IRAG2: variants seen among roughly 807,000 people sequenced by gnomAD.
IRAG2 encodes lymphoid restricted membrane protein.
IRAG2 carries 45 observed loss-of-function variants against 69.9 expected under a neutral mutation model. The ratio of observed to expected loss-of-function variants is 0.64; its 90% CI spans 0.51 to 0.83. The LOEUF is 0.83. Ranked by LOEUF, IRAG2 falls within the 40% of genes least tolerant of loss-of-function variation. The pLI is 0.00. For missense variants in IRAG2, 520 were observed against 587.0 expected (o/e 0.89, Z 1.18); for synonymous variants, 193 against 202.4 (o/e 0.95, Z 0.40).
chr12:25,053,867 G>A (rs867822426), intron 1 of IRAG2, among the ~76,000 whole-genome samples: 1 of 151,624 alleles, frequency 6.6e-6, no homozygotes, highest in Non-Finnish European at 1.5e-5. Flanking sequence ...GTTTGTTTTG[G>A]ATTTATTGTA....
At chr12:25,017,248 C>T in exon 6 of IRAG2, 5 of 1,232,106 alleles carry the variant, frequency 4.1e-6, no homozygotes, top group Non-Finnish European at 5.1e-6. Flanking sequence ...AAACTAACAG[C>T]CAGTTATCAG....
At chr12:25,043,015 AAG>A (rs1944763121) in intron 16 of IRAG2, among the ~76,000 whole-genome samples, 1 of 151,250 alleles carries the variant, frequency 6.6e-6, no homozygotes, top group Non-Finnish European at 1.5e-5. Context: ...AAAAAAAAAA[AAG>A]AAGAGGAATG....
intron 14 of IRAG2, among the ~76,000 whole-genome samples, chr12:25,091,435 CTTT>C (rs1287767450): frequency 1.3e-5 from 2 of 152,138 alleles, no homozygotes; most frequent in African/African-American, 4.8e-5. Flanking sequence ...GGATTGCCTT[CTTT>C]TTAAGGCTCA....
intron 2 of IRAG2, chr12:25,006,117 T>C (rs994845131): frequency 1.3e-5 from 2 of 151,984 alleles, no homozygotes; most frequent in African/African-American, 4.8e-5. Context: ...CCAACAAATA[T>C]ATGAAAAAAT....
chr12:25,021,090 T>TA, intron 7 of IRAG2: 1 of 280,418 alleles, frequency 3.6e-6, no homozygotes, highest in Non-Finnish European at 6.2e-6. Context: ...TTCTTTCTTT[T>TA]CTTTTTTTTT....
intron 20 of IRAG2, among the ~76,000 whole-genome samples, chr12:25,104,997 G>C (rs1473784573): frequency 4.0e-5 from 6 of 151,404 alleles, no homozygotes; most frequent in Non-Finnish European, 8.8e-5. Flanking sequence ...GGGCAAGAAG[G>C]AGGGATATGC....
chr12:25,029,673 T>C (rs1040530371), intron 9 of IRAG2, among the ~76,000 whole-genome samples: 4 of 152,170 alleles, frequency 2.6e-5, no homozygotes, highest in African/African-American at 9.7e-5. Flanking sequence ...ATATGTTTTT[T>C]TTTTTTATTT....
intron 5 of IRAG2, among the ~76,000 whole-genome samples, chr12:25,015,962 G>A (rs1944524064): frequency 6.6e-6 from 1 of 152,190 alleles, no homozygotes; most frequent in Non-Finnish European, 1.5e-5. Flanking sequence ...TGGGGAGGCC[G>A]AGGCGGATGG....
intron 6 of IRAG2, among the ~76,000 whole-genome samples, chr12:25,074,065 T>C (rs780217069): frequency 1.3e-5 from 2 of 152,252 alleles, no homozygotes; most frequent in Non-Finnish European, 2.9e-5. Flanking sequence ...TTATTACTTA[T>C]TAGCTGTGTG....
chr12:25,103,865 C>A lies in IRAG2; in HGVS notation c.962C>A (p.Ala321Asp). 1 of 1,613,146 alleles carries A rather than the reference C, an allele frequency of 6.2e-7. No individual in the cohort carries two copies. The highest frequency in any genetic ancestry group is 8.5e-7 in the Non-Finnish European group (1 of 1,179,310). Residue 321 changes from alanine (A) to aspartate (D), a missense_variant, in exon 18 of 22, where the codon GCC becomes GAC. By Grantham distance (126) the Ala-to-Asp change is moderately radical. Coordinates refer to ENST00000556887, the MANE Select transcript of IRAG2 (RefSeq NM_001366544.2). ...KPSSLRRVTIASLPRNIGNAG... is the reference protein window; with the variant it reads ...KPSSLRRVTIDSLPRNIGNAG... Reference sequence around the variant, plus strand: ...TCTTCTCTACGAAGAGTGACTATTGCCTCTTTACCCAGAAATATTGGAAAT... The same window carrying A: ...TCTTCTCTACGAAGAGTGACTATTGACTCTTTACCCAGAAATATTGGAAAT...
Position 25,004,717 on chromosome 12 carries a change from C to T in IRAG2, c.376C>T (p.Gln126Ter). Reference sequence around the variant, plus strand: ...TGAAAACGTCTCAAAGCCGAAGTCACAGAGCAACAAGAATTATACATCTTT... The same window carrying T: ...TGAAAACGTCTCAAAGCCGAAGTCATAGAGCAACAAGAATTATACATCTTT... The change falls in exon 1 of 39, where the codon CAG (glutamine) becomes TAG (stop). Residue 126 changes from glutamine to a stop codon, truncating the protein, a stop_gained. Transcript: ENST00000636465. LOFTEE classifies it high-confidence loss of function. 1 of 1,232,130 alleles carries T rather than the reference C, an allele frequency of 8.1e-7. No homozygotes were observed. The highest frequency in any genetic ancestry group is 1.0e-6 in the Non-Finnish European group (1 of 987,958). The allele number at this position is 1,232,130 out of a possible 1,614,324, so 76.3% of individuals were successfully genotyped here.
intron 16 of IRAG2, among the ~76,000 whole-genome samples, chr12:25,042,609 G>A (rs1306677620): frequency 1.3e-5 from 2 of 152,022 alleles, no homozygotes; most frequent in Non-Finnish European, 2.9e-5. Context: ...GGGACTACAG[G>A]CACGTGCCAC....
At chr12:25,030,575 C>T (rs778578065) in intron 10 of IRAG2, among the ~76,000 whole-genome samples, 6 of 152,014 alleles carry the variant, frequency 3.9e-5, no homozygotes, top group East Asian at 1.9e-4. Flanking sequence ...TTAGTAGAGA[C>T]GGGGTTTCCT....
At chr12:25,067,320 GT>G (rs1565552433) in intron 5 of IRAG2, among the ~76,000 whole-genome samples, 2 of 152,026 alleles carry the variant, frequency 1.3e-5, no homozygotes, top group African/African-American at 4.8e-5. Flanking sequence ...ATGTGTGGGG[GT>G]TTTTTTCCCC....
chr12:25,108,331 C>A lies in IRAG2; in HGVS notation c.*271C>A. ...TATTGAAATAAAGAATCATTTAAATCTTCATAGAGTGAAAGCTGAAATTCT... is the reference window on the plus strand; with the variant it reads ...TATTGAAATAAAGAATCATTTAAATATTCATAGAGTGAAAGCTGAAATTCT... On this transcript the variant is annotated 3_prime_UTR_variant, in exon 22 of 22. Coordinates refer to ENST00000556887, the MANE Select transcript of IRAG2 (RefSeq NM_001366544.2). 1 of 541,498 alleles carries A rather than the reference C, an allele frequency of 1.8e-6. No individual in the cohort carries two copies. Among genetic ancestry groups the A allele is most frequent in the East Asian group, 3.0e-5 (1 of 33,524 alleles). 33.5% of individuals were successfully genotyped at this position (541,498 alleles called of 1,614,324 possible).
chr12:25,052,577 G>A (rs1164380107), upstream of IRAG2: 1 of 397,242 alleles, frequency 2.5e-6, no homozygotes, highest in African/African-American at 2.1e-5. Flanking sequence ...TCTGCAGAAA[G>A]AGGCAACTTG....
intron 10 of IRAG2, among the ~76,000 whole-genome samples, chr12:25,087,464 T>A (rs859158): frequency 0.6 from 91,648 of 151,876 alleles, 27,993 homozygotes; most frequent in Admixed American, 0.7. Context: ...CACAGCGCCC[T>A]GCCATTTCCT....
At chr12:25,074,433 C>A (rs17326292) in intron 6 of IRAG2, among the ~76,000 whole-genome samples, 16,102 of 152,182 alleles carry the variant, frequency 0.11, 1,155 homozygotes, top group Admixed American at 0.17. Flanking sequence ...GGCTTCCATG[C>A]AGACTTTTAA....
At position 25,079,680 on chromosome 12, in the gene IRAG2, T is replaced by A. The variant is rs1042643354; in HGVS notation, c.161T>A (p.Met54Lys). 6 of 1,613,526 alleles carry A rather than the reference T, an allele frequency of 3.7e-6. No homozygotes were observed. The highest frequency in any genetic ancestry group is 5.1e-6 in the Non-Finnish European group (6 of 1,179,452). ...GATCCTGGATTAGAAATTCTGAATA[T>A]GGCTTCTTGTGACCTTGACAGAAAC... Reference protein sequence around the residue: ...SSDPGLEILNMASCDLDRNSL... With the variant: ...SSDPGLEILNKASCDLDRNSL... Residue 54 changes from methionine to lysine, a missense_variant, in exon 9 of 22, where the codon ATG (methionine) becomes AAG (lysine). Physicochemically the swap from Met to Lys is moderately conservative, Grantham distance 95. Coordinates refer to ENST00000556887, the MANE Select transcript of IRAG2 (RefSeq NM_001366544.2).
Sources: allele counts gnomAD v4.1 joint callset (sites outside exome capture counted in the v4.1 genomes callset), GRCh38; gene constraint gnomAD v4.1.1; transcripts MANE v1.5; gene names NCBI Gene and HGNC (gene_info 2026-07-23, HGNC 2026-07-21).